Variants in KCNH1 observed in about 807,000 individuals in gnomAD.
KCNH1 encodes the protein voltage-gated delayed rectifier potassium channel KCNH1.
Under a neutral mutation model 69.2 loss-of-function variants are expected in KCNH1, and 27 were observed. That is an observed-to-expected ratio of 0.39 (90% CI 0.29 to 0.54). The LOEUF (loss-of-function observed/expected upper bound fraction) is 0.54. KCNH1 is among the 20% of genes least tolerant of loss of function. KCNH1 has a pLI of 0.68. For synonymous variants in KCNH1, 456 were observed against 487.7 expected, an observed-to-expected ratio of 0.93 and a Z score of 0.86; for missense variants, 798 against 1,261.6, an observed-to-expected ratio of 0.63 and a Z score of 5.57.
intron 5 of KCNH1, among the ~76,000 whole-genome samples, chr1:211,082,297 G>T (rs1322370838): frequency 6.6e-6 from 1 of 152,136 alleles, no homozygotes; most frequent in African/African-American, 2.4e-5. Flanking sequence ...TTTGAAAAAT[G>T]AATTTCTTAG....
At chr1:210,791,163 T>C (rs1684204218) in intron 9 of KCNH1, among the ~76,000 whole-genome samples, 1 of 152,154 alleles carries the variant, frequency 6.6e-6, no homozygotes, top group South Asian at 2.1e-4. Context: ...GAAGAATTGG[T>C]CATTTCTTGT....
At chr1:210,887,012 A>T (rs113638997) in intron 7 of KCNH1, among the ~76,000 whole-genome samples, 20,455 of 152,132 alleles carry the variant, frequency 0.13, 1,550 homozygotes, top group Non-Finnish European at 0.16. Context: ...ACATAGCAAG[A>T]CAGGCCAACA....
chr1:210,715,517 CAA>C (rs71821345), intron 10 of KCNH1, among the ~76,000 whole-genome samples: 4 of 129,758 alleles, frequency 3.1e-5, no homozygotes, highest in South Asian at 2.5e-4. Flanking sequence ...AAAAATTAAA[CAA>C]AAAAAAAAAA....
At chr1:210,845,091 T>C (rs1685507671) in intron 7 of KCNH1, among the ~76,000 whole-genome samples, 2 of 150,880 alleles carry the variant, frequency 1.3e-5, no homozygotes, top group South Asian at 4.2e-4. Flanking sequence ...AATCAATAGC[T>C]AACCAACCAA....
At chr1:211,085,497 G>T (rs76999499) in intron 4 of KCNH1, among the ~76,000 whole-genome samples, 1 of 149,452 alleles carries the variant, frequency 6.7e-6, no homozygotes, top group Non-Finnish European at 1.5e-5. Context: ...AAAAAAAAAA[G>T]ACTGACAGAT....
At chr1:210,917,229 G>GAGAGAGAGAAAGAAAGAAAGAA (rs1430374011) in intron 7 of KCNH1, among the ~76,000 whole-genome samples, 3 of 78,800 alleles carry the variant, frequency 3.8e-5, no homozygotes, top group East Asian at 4.0e-4. Context: ...GAGAGAGAGA[G>GAGAGAGAGAAAGAAAGAAAGAA]AGAAAGAAAG....
chr1:210,911,085 G>A (rs1032818415), intron 7 of KCNH1, among the ~76,000 whole-genome samples: 2 of 152,012 alleles, frequency 1.3e-5, no homozygotes, highest in African/African-American at 4.8e-5. Flanking sequence ...TATATTTATT[G>A]AGCCCACTGT....
intron 6 of KCNH1, among the ~76,000 whole-genome samples, chr1:211,009,940 A>T (rs1045525767): frequency 9.2e-5 from 14 of 152,250 alleles, no homozygotes; most frequent in Non-Finnish European, 1.8e-4. Context: ...TCTTTTGTCA[A>T]TGAATAAGAA....
At chr1:210,997,235 A>T (rs1363860456) in intron 6 of KCNH1, among the ~76,000 whole-genome samples, 2 of 152,168 alleles carry the variant, frequency 1.3e-5, no homozygotes, top group Admixed American at 1.3e-4. Context: ...GGAAATTCAA[A>T]CCAATGGCAA....
intron 10 of KCNH1, among the ~76,000 whole-genome samples, chr1:210,754,849 C>T (rs1683359952): frequency 2.8e-5 from 1 of 35,548 alleles, no homozygotes; most frequent in East Asian, 3.0e-3. Flanking sequence ...CACGGGCACA[C>T]ACACACACAC....
intron 6 of KCNH1, among the ~76,000 whole-genome samples, chr1:210,982,985 C>A (rs914364490): frequency 6.6e-6 from 1 of 152,208 alleles, no homozygotes; most frequent in Non-Finnish European, 1.5e-5. Context: ...GATAGTAACT[C>A]ATTGTGGTTT....
intron 9 of KCNH1, among the ~76,000 whole-genome samples, chr1:210,794,722 A>T (rs1433494273): frequency 6.6e-6 from 1 of 152,190 alleles, no homozygotes; most frequent in Non-Finnish European, 1.5e-5. Flanking sequence ...ATGGAAAGGC[A>T]TATGGTAAGT....
At chr1:211,014,458 T>C (rs532339018) in intron 6 of KCNH1, among the ~76,000 whole-genome samples, 21 of 152,344 alleles carry the variant, frequency 1.4e-4, no homozygotes, top group Admixed American at 4.6e-4. Context: ...GTAGCCCATC[T>C]ACATAAGTGA....
intron 10 of KCNH1, among the ~76,000 whole-genome samples, chr1:210,702,812 G>T (rs1681817156): frequency 6.6e-6 from 1 of 152,010 alleles, no homozygotes; most frequent in African/African-American, 2.4e-5. Flanking sequence ...TTCCATTTTA[G>T]CCCCTTCTGC....
chr1:210,925,243 T>C (rs1488723093), intron 6 of KCNH1, among the ~76,000 whole-genome samples: 2 of 152,242 alleles, frequency 1.3e-5, no homozygotes, highest in Non-Finnish European at 1.5e-5. Context: ...GGAATTAAGA[T>C]GGCAGATAGG....
At chr1:210,744,576 G>T (rs898707567) in intron 10 of KCNH1, among the ~76,000 whole-genome samples, 3 of 152,042 alleles carry the variant, frequency 2.0e-5, no homozygotes, top group African/African-American at 7.2e-5. Flanking sequence ...CCCGGGAGGC[G>T]GAGGTTGCAG....
chr1:211,082,785 C>T lies in KCNH1; in HGVS notation c.553G>A (p.Ala185Thr). The change falls in exon 5 of 11, where the codon GCA (alanine) becomes ACA (threonine). Residue 185 changes from alanine to threonine, a missense_variant. Coordinates refer to ENST00000271751, the MANE Select transcript of KCNH1 (RefSeq NM_172362.3). ...AGCTAACCCTTTGCCCTTACCTCTG[C>T]CAGGCGGGAGTGCTTGTGGACATTC... is the stretch of plus-strand genomic sequence containing the variant. ...GENVHKHSRLAEVLQLGSDIL... is the reference protein window; with the variant it reads ...GENVHKHSRLTEVLQLGSDIL... 1 of 1,612,952 alleles carries T rather than the reference C, an allele frequency of 6.2e-7. No individual in the cohort carries two copies. The highest frequency in any genetic ancestry group is 8.5e-7 in the Non-Finnish European group (1 of 1,179,074).
chr1:210,880,488 A>C (rs1335921745), intron 7 of KCNH1, among the ~76,000 whole-genome samples: 7 of 152,224 alleles, frequency 4.6e-5, no homozygotes, highest in Non-Finnish European at 8.8e-5. Flanking sequence ...AATGGAGAAA[A>C]GATAGTCTTT....
chr1:210,785,671 G>A (rs1416070587), intron 9 of KCNH1, among the ~76,000 whole-genome samples: 1 of 152,044 alleles, frequency 6.6e-6, no homozygotes, highest in Non-Finnish European at 1.5e-5. Context: ...AAACTACTTT[G>A]TCCCCATTCC....
Sources: allele counts gnomAD v4.1 joint callset (sites outside exome capture counted in the v4.1 genomes callset), GRCh38; gene constraint gnomAD v4.1.1; transcripts MANE v1.5; gene names NCBI Gene and HGNC (gene_info 2026-07-23, HGNC 2026-07-21).